Variants in PACS1 observed in about 807,000 individuals in gnomAD.
The protein encoded by PACS1 is PACS-1.
A neutral mutation model predicts 115.0 loss-of-function variants in PACS1; 24 were observed. The ratio of observed to expected loss-of-function variants is 0.21; its 90% CI spans 0.15 to 0.29. The LOEUF is 0.29. Ranked by LOEUF, PACS1 falls within the 10% of genes least tolerant of loss-of-function variation. PACS1 has a pLI of 1.00. For synonymous variants in PACS1, 453 were observed against 504.5 expected, an observed-to-expected ratio of 0.90 and a Z score of 1.37; for missense variants, 838 against 1,251.2, an observed-to-expected ratio of 0.67 and a Z score of 4.98.
intron 1 of PACS1, among the ~76,000 whole-genome samples, chr11:66,138,981 G>A (rs1858914276): frequency 6.6e-6 from 1 of 152,034 alleles, no homozygotes; most frequent in East Asian, 1.9e-4. Flanking sequence ...GTGCCTGGCC[G>A]CTGTCTGTAT....
rs1347402885 is a variant in PACS1, at chr11:66,243,486, T to C, written c.*206T>C. The C allele has an allele frequency of 1.6e-5, 9 of 578,066 alleles. No homozygotes were observed. Among genetic ancestry groups the C allele is most frequent in the East Asian group, 1.1e-4 (4 of 35,032 alleles). 35.8% of individuals were successfully genotyped at this position (578,066 alleles called of 1,614,324 possible). The stretch of plus-strand genomic sequence containing the variant: ...CCACCCCTGCACAGCCCCTCCTCCT[T>C]CCCGCTTTTCCCCTTCTCCCTCCTG... On this transcript the variant is annotated 3_prime_UTR_variant, in exon 24 of 24. Transcript: ENST00000320580.
intron 1 of PACS1, among the ~76,000 whole-genome samples, chr11:66,111,961 A>G (rs1319842902): frequency 6.6e-6 from 1 of 152,062 alleles, no homozygotes; most frequent in Non-Finnish European, 1.5e-5. Flanking sequence ...TCTTCTTTAT[A>G]ATGCCTGCCT....
chr11:66,239,302 C>T (rs1189945045), intron 21 of PACS1, 25 bp downstream of exon 21: 2 of 1,592,650 alleles, frequency 1.3e-6, no homozygotes, highest in Admixed American at 3.5e-5. Flanking sequence ...CGTACCTGTC[C>T]TGCCATGCCC....
chr11:66,092,128 A>G (rs1857678246), intron 1 of PACS1, among the ~76,000 whole-genome samples: 2 of 152,158 alleles, frequency 1.3e-5, no homozygotes, highest in Admixed American at 1.3e-4. Flanking sequence ...ACTAGTTTAC[A>G]GTCCCACCAA....
intron 1 of PACS1, among the ~76,000 whole-genome samples, chr11:66,155,376 G>A (rs1306112745): frequency 6.6e-6 from 1 of 152,118 alleles, no homozygotes; most frequent in East Asian, 1.9e-4. Flanking sequence ...TCTGACAAAG[G>A]ATTGTAAAGA....
In PACS1 at chr11:66,170,871, C is replaced by T. The variant is rs188314124; in HGVS notation, c.357-22615C>T. On this transcript the variant is annotated intron_variant, in intron 1 of 23. Transcript: ENST00000320580. Reference sequence around the variant, plus strand: ...ATTGCAGTGAGCCGAGATTGTGCTACTGCACTCCAGCCTGGTTGACAGAAA... The same window carrying T: ...ATTGCAGTGAGCCGAGATTGTGCTATTGCACTCCAGCCTGGTTGACAGAAA... Among the ~76,000 whole-genome samples, 225 of 144,934 alleles carry T rather than the reference C, an allele frequency of 1.6e-3. 24 individuals are homozygous for T. Among genetic ancestry groups the T allele is most frequent in the African/African-American group, 6.0e-3 (220 of 36,926 alleles).
chr11:66,156,797 G>A (rs973723715), intron 1 of PACS1, among the ~76,000 whole-genome samples: 4 of 151,408 alleles, frequency 2.6e-5, no homozygotes, highest in African/African-American at 7.3e-5. Context: ...GAGCTTGCGC[G>A]AGCCGAGATG....
chr11:66,241,664 C>T lies in PACS1; in HGVS notation c.2656+11C>T, dbSNP rs780562047. 5 of 1,604,074 alleles carry T rather than the reference C, an allele frequency of 3.1e-6. No individual in the cohort carries two copies. The African/African-American group carries it at 5.4e-5, about 17-fold the overall frequency. ...AAAAGAACAAGAAAGGTAAGTACCC[C>T]CAAGGCCGGGGAAGACCATGGGCCA... On this transcript the variant is annotated intron_variant, in intron 22 of 23. Transcript: ENST00000320580.
At chr11:66,208,673 AG>A (rs780774870) in intron 2 of PACS1, among the ~76,000 whole-genome samples, 3,700 of 134,858 alleles carry the variant, frequency 0.027, 174 homozygotes, top group African/African-American at 0.094. Flanking sequence ...AAAAAAAAAA[AG>A]AAGAAGAAAA....
At chr11:66,232,885 C>T in intron 14 of PACS1, 75 bp from the exon 15 acceptor site, 2 of 1,130,758 alleles carry the variant, frequency 1.8e-6, no homozygotes, top group Non-Finnish European at 2.7e-6. Context: ...GTCTGGGTCT[C>T]ACTTGCCTCT....
chr11:66,220,588 A>T (rs1397766806), intron 8 of PACS1, 43 bp from the exon 9 acceptor site: 43 of 1,609,924 alleles, frequency 2.7e-5, no homozygotes, highest in Non-Finnish European at 3.3e-5. Flanking sequence ...CAAAATTGTT[A>T]ATAGGGATGA....
chr11:66,156,232 A>AGT (rs1222082720), intron 1 of PACS1, among the ~76,000 whole-genome samples: 1 of 113,870 alleles, frequency 8.8e-6, no homozygotes, highest in Non-Finnish European at 1.7e-5. Flanking sequence ...ATATATATAT[A>AGT]TATATATATA....
chr11:66,088,278 A>AT (rs1857606013), intron 1 of PACS1, among the ~76,000 whole-genome samples: 1 of 151,788 alleles, frequency 6.6e-6, no homozygotes, highest in Non-Finnish European at 1.5e-5. Context: ...CAATTTATCA[A>AT]TTTTTTCCTT....
Position 66,230,884 on chromosome 11 carries a change from G to C in PACS1, c.1570G>C (p.Glu524Gln). The C allele has an allele frequency of 6.2e-7, 1 of 1,614,214 alleles. No homozygotes were observed. The highest frequency in any genetic ancestry group is 8.5e-7 in the Non-Finnish European group (1 of 1,180,030). Reference protein sequence around the residue: ...KERQLSKPLSERTNSSDSERS... With the variant: ...KERQLSKPLSQRTNSSDSERS... ...GCGGCAGCTCTCCAAGCCCCTAAGT[G>C]AGAGGACCAACAGTTCCGACAGCGA... is the stretch of plus-strand genomic sequence containing the variant. The change falls in exon 13 of 24, where the codon GAG (glutamate) becomes CAG (glutamine). Residue 524 changes from glutamate to glutamine, a missense_variant. By Grantham distance (29) the Glu-to-Gln change is conservative. This residue lies in a region of PACS1 where 383 missense variants were observed against 537.0 expected (regional missense o/e 0.71). Coordinates refer to ENST00000320580, the MANE Select transcript of PACS1 (RefSeq NM_018026.4).
intron 10 of PACS1, among the ~76,000 whole-genome samples, chr11:66,221,952 C>T (rs116779976): frequency 0.018 from 2,698 of 152,218 alleles, 76 homozygotes; most frequent in African/African-American, 0.061. Flanking sequence ...CCCATCTCTA[C>T]GAAAAATGCA....
Position 66,216,282 on chromosome 11 carries a change from C to T in PACS1, c.805+19C>T. 6.2e-7 allele frequency: 1 copy of T among 1,613,516 alleles called. No homozygotes were observed. Among genetic ancestry groups the T allele is most frequent in the South Asian group, 1.1e-5 (1 of 91,054 alleles). On this transcript the variant is annotated intron_variant, in intron 5 of 23. Transcript: ENST00000320580. Reference sequence around the variant, plus strand: ...CTTTCTGGTAAGAAGCATGCAGCATCTGGAGACCCTACGAAGAGGGAGCCC... The same window carrying T: ...CTTTCTGGTAAGAAGCATGCAGCATTTGGAGACCCTACGAAGAGGGAGCCC...
intron 1 of PACS1, among the ~76,000 whole-genome samples, chr11:66,150,225 A>G (rs1228941738): frequency 6.6e-6 from 1 of 152,218 alleles, no homozygotes; most frequent in Non-Finnish European, 1.5e-5. Flanking sequence ...ATCTATATAC[A>G]GTTATTTGAT....
At chr11:66,123,921 G>A (rs563482568) in intron 1 of PACS1, among the ~76,000 whole-genome samples, 5 of 151,836 alleles carry the variant, frequency 3.3e-5, no homozygotes, top group Non-Finnish European at 7.4e-5. Flanking sequence ...TATATGCACC[G>A]GGAAATAAAT....
At chr11:66,108,268 T>C (rs1244860102) in intron 1 of PACS1, among the ~76,000 whole-genome samples, 1 of 152,190 alleles carries the variant, frequency 6.6e-6, no homozygotes, top group African/African-American at 2.4e-5. Context: ...ATGTGGCCTT[T>C]CCTCTGTGCA....
Sources: allele counts gnomAD v4.1 joint callset (sites outside exome capture counted in the v4.1 genomes callset), GRCh38; gene constraint gnomAD v4.1.1; regional missense constraint gnomAD v4.1.1; transcripts MANE v1.5; gene names NCBI Gene and HGNC (gene_info 2026-07-23, HGNC 2026-07-21).